Variants in CPEB3 observed in about 807,000 individuals in gnomAD.
CPEB3 encodes the protein cytoplasmic polyadenylation element binding protein 3.
In CPEB3, 20 loss-of-function variants were observed where a neutral mutation model predicts 67.2. That is an observed-to-expected ratio of 0.30 (90% confidence interval 0.21 to 0.43). The LOEUF is 0.43. Among genes scored for constraint, CPEB3 ranks in the 20% least tolerant of loss-of-function variants. The pLI is 1.00. For missense variants in CPEB3, 746 were observed against 968.6 expected, an observed-to-expected ratio of 0.77 and a Z score of 3.05; for synonymous variants, 376 against 393.1, an observed-to-expected ratio of 0.96 and a Z score of 0.51.
At chr10:92,246,272 T>G (rs1852061643) in intron 1 of CPEB3, among the ~76,000 whole-genome samples, 2 of 149,874 alleles carry the variant, frequency 1.3e-5, no homozygotes, top group African/African-American at 4.9e-5. Flanking sequence ...AGGCGGAGCT[T>G]GCAGTGAGCC....
chr10:92,186,166 G>A, intron 3 of CPEB3, among the ~76,000 whole-genome samples: 1 of 142,626 alleles, frequency 7.0e-6, no homozygotes, highest in East Asian at 2.1e-4. Flanking sequence ...GAGCTCAGGA[G>A]TTAGAGACCA....
intron 1 of CPEB3, among the ~76,000 whole-genome samples, chr10:92,267,897 C>T (rs1040259363): frequency 3.3e-5 from 5 of 152,292 alleles, no homozygotes; most frequent in Non-Finnish European, 4.4e-5. Flanking sequence ...CGGCTCACTG[C>T]CGCCTCCGCC....
At chr10:92,092,442 C>T (rs550344808) in intron 7 of CPEB3, among the ~76,000 whole-genome samples, 5 of 152,268 alleles carry the variant, frequency 3.3e-5, no homozygotes, top group African/African-American at 1.2e-4. Flanking sequence ...GACGAACATG[C>T]AGCAAGTTAG....
intron 2 of CPEB3, among the ~76,000 whole-genome samples, chr10:92,230,882 C>T (rs1260678416): frequency 6.6e-6 from 1 of 152,148 alleles, no homozygotes; most frequent in Admixed American, 6.5e-5. Flanking sequence ...GAGGCTCCAT[C>T]CTGAATTCTA....
intron 2 of CPEB3, among the ~76,000 whole-genome samples, chr10:92,201,384 C>T (rs565610308): frequency 1.6e-4 from 24 of 152,196 alleles, no homozygotes; most frequent in Admixed American, 1.6e-3. Context: ...AAAAATTAGC[C>T]GGGCATAGTG....
chr10:92,071,083 ACACAC>A (rs1481477485), intron 9 of CPEB3, among the ~76,000 whole-genome samples: 2 of 146,950 alleles, frequency 1.4e-5, no homozygotes, highest in East Asian at 3.9e-4. Context: ...ACACACACAC[ACACAC>A]ACACACACAC....
intron 3 of CPEB3, among the ~76,000 whole-genome samples, chr10:92,184,575 A>G (rs1848603442): frequency 6.6e-6 from 1 of 152,202 alleles, no homozygotes; most frequent in African/African-American, 2.4e-5. Context: ...ACAGCACCCC[A>G]GCCTGGAGAT....
At chr10:92,087,964 T>C (rs1332390154) in intron 8 of CPEB3, among the ~76,000 whole-genome samples, 1 of 152,034 alleles carries the variant, frequency 6.6e-6, no homozygotes, top group Non-Finnish European at 1.5e-5. Context: ...GCTTTCCTAA[T>C]GTGAGGGCAG....
At chr10:92,078,677 G>A (rs989995484) in intron 9 of CPEB3, among the ~76,000 whole-genome samples, 37 of 152,118 alleles carry the variant, frequency 2.4e-4, no homozygotes, top group African/African-American at 8.2e-4. Flanking sequence ...GCTTTCCTGA[G>A]CCCTGAGAAG....
Position 92,240,281 on chromosome 10 carries a change from G to C in CPEB3, c.70C>G (p.Gln24Glu). 6.6e-7 allele frequency: 1 copy of C among 1,516,624 alleles called. No homozygotes were observed. 93.9% of individuals were successfully genotyped at this position (1,516,624 alleles called of 1,614,324 possible). The change falls in exon 2 of 10, where the codon CAG becomes GAG. Residue 24 changes from glutamine to glutamate, a missense_variant. Around this residue, in one of 2 missense-constraint regions of CPEB3, gnomAD observed 643 missense variants for 717.5 expected, o/e 0.90. Coordinates refer to ENST00000265997, the MANE Select transcript of CPEB3 (RefSeq NM_014912.5). ...PQPQQQQRQQ[Q>E]QPQPESSVSE... ...ACGCTGGACTCAGGTTGGGGCTGCTGCTGCTGCCGCTGCTGCTGCTGGGGC... is the reference window on the plus strand; with the variant it reads ...ACGCTGGACTCAGGTTGGGGCTGCTCCTGCTGCCGCTGCTGCTGCTGGGGC...
At chr10:92,242,082 G>A (rs751949482) in intron 1 of CPEB3, among the ~76,000 whole-genome samples, 2 of 152,112 alleles carry the variant, frequency 1.3e-5, no homozygotes, top group African/African-American at 2.4e-5. Context: ...TCAGACAAAT[G>A]GGATTAAAAG....
At chr10:92,278,095 G>T (rs1842078076) in intron 1 of CPEB3, among the ~76,000 whole-genome samples, 2 of 150,704 alleles carry the variant, frequency 1.3e-5, no homozygotes, top group Non-Finnish European at 2.9e-5. Flanking sequence ...CTGAGGCAGA[G>T]AACTGCTTGA....
At chr10:92,156,004 T>G (rs928742939) in intron 4 of CPEB3, among the ~76,000 whole-genome samples, 3 of 152,160 alleles carry the variant, frequency 2.0e-5, no homozygotes, top group Non-Finnish European at 4.4e-5. Context: ...AGGGTGTTAT[T>G]TCAAAATAAT....
intron 1 of CPEB3, among the ~76,000 whole-genome samples, chr10:92,244,993 C>T (rs1852000653): frequency 1.3e-5 from 2 of 152,126 alleles, no homozygotes; most frequent in Non-Finnish European, 2.9e-5. Flanking sequence ...AAAATGTCAT[C>T]ATTTAAAATT....
At chr10:92,252,208 GAAACAA>G in intron 1 of CPEB3, among the ~76,000 whole-genome samples, 1 of 151,800 alleles carries the variant, frequency 6.6e-6, no homozygotes, top group South Asian at 2.1e-4. Flanking sequence ...CTAATCAACA[GAAACAA>G]AAAAAGGCAG....
At chr10:92,227,093 C>T (rs1018043468) in intron 2 of CPEB3, among the ~76,000 whole-genome samples, 6 of 152,098 alleles carry the variant, frequency 3.9e-5, no homozygotes, top group Non-Finnish European at 8.8e-5. Context: ...CTAATAGGCC[C>T]CTCCTCTAGA....
intron 4 of CPEB3, among the ~76,000 whole-genome samples, chr10:92,179,207 G>T (rs1848358735): frequency 6.6e-6 from 1 of 152,076 alleles, no homozygotes; most frequent in South Asian, 2.1e-4. Context: ...AAGCTAAACA[G>T]GGGATTACAC....
At chr10:92,234,522 G>A (rs1274650543) in intron 2 of CPEB3, among the ~76,000 whole-genome samples, 3 of 152,172 alleles carry the variant, frequency 2.0e-5, no homozygotes, top group Non-Finnish European at 4.4e-5. Context: ...CCTAGAGACA[G>A]AATAGTCAAG....
rs1851784676 is a variant in CPEB3 at position 92,240,315 on chromosome 10, G to A, written c.36C>T (p.Thr12=). 6.7e-7 allele frequency: 1 copy of A among 1,498,936 alleles called. No homozygotes were observed. Among genetic ancestry groups the A allele is most frequent in the Admixed American group, 2.5e-5 (1 of 40,462 alleles). The allele number at this position is 1,498,936 out of a possible 1,614,324, so 92.9% of individuals were successfully genotyped here. A position where few individuals can be genotyped will look rare whatever the true frequency, so the allele number is the denominator to read the frequency against. The change falls in exon 2 of 10, where the codon ACC becomes ACT. Residue 12 remains threonine, a synonymous_variant. Coordinates refer to ENST00000265997, the MANE Select transcript of CPEB3 (RefSeq NM_014912.5). ...GCTGCTGCTGCTGGGGCTGGGGCTGGGTTTTGCTTTTGTCCATCAGTAAAT... is the reference window on the plus strand; with the variant it reads ...GCTGCTGCTGCTGGGGCTGGGGCTGAGTTTTGCTTTTGTCCATCAGTAAAT... ...QDDLLMDKSK[T]QPQPQQQQRQ...
Sources: allele counts gnomAD v4.1 joint callset (sites outside exome capture counted in the v4.1 genomes callset), GRCh38; gene constraint gnomAD v4.1.1; regional missense constraint gnomAD v4.1.1; transcripts MANE v1.5; gene names NCBI Gene and HGNC (gene_info 2026-07-23, HGNC 2026-07-21).